NFIX: variants seen among roughly 807,000 people sequenced by gnomAD.
The protein encoded by NFIX is nuclear factor I X, also known as nuclear factor 1 X-type.
A neutral mutation model predicts 53.3 loss-of-function variants in NFIX; 2 were observed. The observed-to-expected ratio is 0.04, with a 90% CI of 0.02 to 0.12. The LOEUF is 0.12. Ranked by LOEUF, NFIX falls within the 10% of genes least tolerant of loss-of-function variation. The pLI is 1.00. For missense variants in NFIX, 310 were observed against 674.5 expected (o/e 0.46, Z 5.99); for synonymous variants, 244 against 289.0 (o/e 0.84, Z 1.58).
At position 13,090,488 on chromosome 19, in the gene NFIX, C is replaced by A; in HGVS notation, c.1494+98C>A. On this transcript the variant is annotated intron_variant, in intron 10 of 10. Transcript: ENST00000592199. This position sits in a 1 kb window ranked among gnomAD's most constrained non-coding sequence, Gnocchi z 6.6. ...AGGGAAGAGCCTGGAGTCCTTGGGG[C>A]TAACAGGGAGAGAGAGGTCTGAGGT... 8.6e-7 allele frequency: 1 copy of A among 1,160,296 alleles called. No individual in the cohort carries two copies. Among genetic ancestry groups the A allele is most frequent in the Non-Finnish European group, 1.3e-6 (1 of 775,562 alleles). The allele number at this position is 1,160,296 out of a possible 1,614,324, so 71.9% of individuals were successfully genotyped here.
rs2017470213 is a variant in NFIX at position 13,081,605 on chromosome 19, C to A, written c.1079-75C>A. On this transcript the variant is annotated intron_variant, in intron 7 of 10. Transcript: ENST00000592199. The surrounding 1 kb of genome is among the most constrained non-coding windows in gnomAD (Gnocchi z 4.7). ...CTCAGGACCCTCTGACCGGCAGCTC[C>A]CCTCCTCTCCTGTCCCTCCCACTGG... 1 of 1,490,868 alleles carries A rather than the reference C, an allele frequency of 6.7e-7. No individual in the cohort carries two copies. 92.4% of individuals were successfully genotyped at this position (1,490,868 alleles called of 1,614,324 possible).
chr19:13,007,656 G>A (rs2012099285), intron 1 of NFIX, among the ~76,000 whole-genome samples: 1 of 152,146 alleles, frequency 6.6e-6, no homozygotes, highest in Non-Finnish European at 1.5e-5. Flanking sequence ...TTCGGTACTT[G>A]TGTCCCCAGA....
In NFIX at chr19:13,022,518, A is replaced by G. The variant is rs955241030; in HGVS notation, c.28-2503A>G. Among the ~76,000 whole-genome samples, 6 of 151,758 alleles carry G rather than the reference A, an allele frequency of 4.0e-5. No individual in the cohort carries two copies. The highest frequency in any genetic ancestry group is 5.9e-5 in the Non-Finnish European group (4 of 67,966). On this transcript the variant is annotated intron_variant, in intron 1 of 10. Transcript: ENST00000592199. This position sits in a 1 kb window ranked among gnomAD's most constrained non-coding sequence, Gnocchi z 4.5. ...CTGAGCTCTCTTTCTTCTTATTTCT[A>G]TTCATAGCACCGCAGGCCCGTGTGT...
At position 13,060,771 on chromosome 19, in the gene NFIX, C is replaced by A. The variant is rs78321077; in HGVS notation, c.560-12276C>A. Among the ~76,000 whole-genome samples, 15,911 of 151,756 alleles carry A rather than the reference C, an allele frequency of 0.1. 1,597 individuals are homozygous for A. The highest frequency in any genetic ancestry group is 0.26 in the African/African-American group (10,688 of 41,352). ...CCCAGGGTCAGGGGGATGGGGGGGT[C>A]GGCCTCACCTCGGCTAACCTCCCAG... On this transcript the variant is annotated intron_variant, in intron 2 of 10. Coordinates refer to ENST00000592199, the MANE Select transcript of NFIX (RefSeq NM_001365902.3). The surrounding 1 kb of genome is among the most constrained non-coding windows in gnomAD (Gnocchi z 4.3).
At chr19:13,008,984 C>G (rs959575700) in intron 1 of NFIX, among the ~76,000 whole-genome samples, 1 of 152,212 alleles carries the variant, frequency 6.6e-6, no homozygotes, top group Non-Finnish European at 1.5e-5. Context: ...AGGTCCTCAC[C>G]GAGGTAGATT....
chr19:13,057,387 C>T (rs919538928), intron 2 of NFIX, among the ~76,000 whole-genome samples: 1 of 152,142 alleles, frequency 6.6e-6, no homozygotes, highest in African/African-American at 2.4e-5. Flanking sequence ...GGCGGAAAGC[C>T]GACATTGTTT....
At chr19:13,063,087 G>A (rs1240816794) in intron 2 of NFIX, among the ~76,000 whole-genome samples, 1 of 152,226 alleles carries the variant, frequency 6.6e-6, no homozygotes, top group Admixed American at 6.5e-5. Context: ...AGAGCAGGGG[G>A]CAGAGAGAGG....
chr19:13,065,534 C>T (rs2016347856), intron 2 of NFIX, among the ~76,000 whole-genome samples: 1 of 152,160 alleles, frequency 6.6e-6, no homozygotes, highest in African/African-American at 2.4e-5. Flanking sequence ...CTCGCATGTC[C>T]CATTGCTGCT....
Position 13,025,445 on chromosome 19 carries a change from A to G in NFIX, c.452A>G (p.Tyr151Cys), listed in dbSNP as rs770456386. The change falls in exon 2 of 11, where the codon TAC (tyrosine) becomes TGC (cysteine). Residue 151 changes from tyrosine to cysteine, a missense_variant. Around this residue, in one of 5 missense-constraint regions of NFIX, gnomAD observed 164 missense variants for 284.4 expected, o/e 0.58. Transcript: ENST00000592199. The surrounding 1 kb of genome is among the most constrained non-coding windows in gnomAD (Gnocchi z 7.5). ...GAAAGTACTGATGGGGAGCGGCTCT[A>G]CAAGTCGCCTCAGTGCTCGAACCCC... is the stretch of plus-strand genomic sequence containing the variant. ...PLESTDGERL[Y>C]KSPQCSNPGL... is the part of the protein sequence containing the mutation. The G allele has an allele frequency of 1.2e-6, 2 of 1,613,930 alleles. No individual in the cohort carries two copies. The highest frequency in any genetic ancestry group is 1.7e-5 in the Admixed American group (1 of 60,008).
chr19:13,014,718 CCA>C lies in NFIX; in HGVS notation c.28-10302_28-10301del, dbSNP rs1200212273. On this transcript the variant is annotated intron_variant, in intron 1 of 10. Coordinates refer to ENST00000592199, the MANE Select transcript of NFIX (RefSeq NM_001365902.3). This position sits in a 1 kb window ranked among gnomAD's most constrained non-coding sequence, Gnocchi z 4.4. ...CTTGGGCTGGGCCTGGCATCCAGCC[CCA>C]GAGGAGTGCTCTTGCCACTGGCCAC... Among the ~76,000 whole-genome samples the C allele has an allele frequency of 2.0e-5, 3 of 152,240 alleles. No individual in the cohort carries two copies. Among genetic ancestry groups the C allele is most frequent in the Non-Finnish European group, 4.4e-5 (3 of 68,046 alleles).
intron 1 of NFIX, among the ~76,000 whole-genome samples, chr19:13,016,574 A>G (rs1418648801): frequency 8.7e-6 from 1 of 115,570 alleles, no homozygotes; most frequent in East Asian, 2.4e-4. Flanking sequence ...CATTTTTTGT[A>G]CGCTTGCCAT....
rs551092560 is a variant in NFIX at position 13,033,148 on chromosome 19, GA to G, written c.559+7600del. On this transcript the variant is annotated intron_variant, in intron 2 of 10. Transcript: ENST00000592199. ...TTTTCTTGGCACCAAGGGCACCGTGGAAAACAGCACGACAAACGCCCGGCCC... is the reference window on the plus strand; with the variant it reads ...TTTTCTTGGCACCAAGGGCACCGTGGAAACAGCACGACAAACGCCCGGCCC... Among the ~76,000 whole-genome samples, 144 of 152,280 alleles carry G rather than the reference GA, an allele frequency of 9.5e-4. 1 individual carries two copies. Among genetic ancestry groups the G allele is most frequent in the Middle Eastern group, 3.4e-3 (1 of 294 alleles).
At chr19:13,004,394 C>T (rs536012807) in intron 1 of NFIX, among the ~76,000 whole-genome samples, 3 of 152,206 alleles carry the variant, frequency 2.0e-5, no homozygotes, top group Admixed American at 6.5e-5. Context: ...GCATATATAC[C>T]CCATTTCCCC....
chr19:13,063,607 TCTTTG>T (rs1044804119), intron 2 of NFIX, among the ~76,000 whole-genome samples: 5 of 152,332 alleles, frequency 3.3e-5, no homozygotes, highest in Non-Finnish European at 7.4e-5. Context: ...CAGTCTTCTT[TCTTTG>T]CTTTGGCCCT....
At chr19:13,007,185 C>T (rs780869638) in intron 1 of NFIX, among the ~76,000 whole-genome samples, 2 of 152,140 alleles carry the variant, frequency 1.3e-5, no homozygotes, top group African/African-American at 2.4e-5. Context: ...CCCCTCCCCC[C>T]CCATAGGCGC....
Position 13,002,263 on chromosome 19 carries a change from C to T in NFIX, c.27+6399C>T, listed in dbSNP as rs1388321206. On this transcript the variant is annotated intron_variant, in intron 1 of 10. Transcript: ENST00000592199. The surrounding 1 kb of genome is among the most constrained non-coding windows in gnomAD (Gnocchi z 6.1). ...CTCCTCCCGCTCCCTCTCTCCCTCTCTCTCTCCTCCTGCCAAACGCGTCTT... is the reference window on the plus strand; with the variant it reads ...CTCCTCCCGCTCCCTCTCTCCCTCTTTCTCTCCTCCTGCCAAACGCGTCTT... Among the ~76,000 whole-genome samples, 2 of 151,978 alleles carry T rather than the reference C, an allele frequency of 1.3e-5. No individual in the cohort carries two copies. Among genetic ancestry groups the T allele is most frequent in the African/African-American group, 4.8e-5 (2 of 41,348 alleles).
intron 1 of NFIX, among the ~76,000 whole-genome samples, chr19:13,004,425 G>A (rs772232706): frequency 1.2e-4 from 19 of 152,116 alleles, no homozygotes; most frequent in East Asian, 3.9e-4. Flanking sequence ...AGGCACAGTC[G>A]GCGTGCCATG....
At chr19:13,055,442 G>A (rs948685041) in intron 2 of NFIX, among the ~76,000 whole-genome samples, 2 of 152,250 alleles carry the variant, frequency 1.3e-5, no homozygotes, top group East Asian at 1.9e-4. Flanking sequence ...TCACCGCCTC[G>A]GCATCTGCCC....
Position 13,072,378 on chromosome 19 carries a change from C to T in NFIX, c.560-669C>T, listed in dbSNP as rs1299516489. Among the ~76,000 whole-genome samples the T allele has an allele frequency of 6.6e-6, 1 of 152,274 alleles. No individual in the cohort carries two copies. Among genetic ancestry groups the T allele is most frequent in the Non-Finnish European group, 1.5e-5 (1 of 68,048 alleles). On this transcript the variant is annotated intron_variant, in intron 2 of 10. Coordinates refer to ENST00000592199, the MANE Select transcript of NFIX (RefSeq NM_001365902.3). The surrounding 1 kb of genome is among the most constrained non-coding windows in gnomAD (Gnocchi z 4.0). ...GCACCGGGGCATGAGACAGCCCAGA[C>T]AGGCTGGCACAGAGCGGGCGACAGC...
Sources: gnomAD v4.1 joint callset for allele counts (sites outside exome capture counted in the v4.1 genomes callset) on GRCh38, gnomAD v4.1.1 for gene constraint, gnomAD v4.1.1 regional missense constraint, Gnocchi (gnomAD v3.1) non-coding constraint, MANE v1.5 for transcripts, NCBI Gene and HGNC (gene_info 2026-07-23, HGNC 2026-07-21) for gene names.